PCDH9: variants seen among roughly 807,000 people sequenced by gnomAD.
PCDH9 encodes protocadherin-9.
In PCDH9, 24 loss-of-function variants were observed where a neutral mutation model predicts 70.6. That is an observed-to-expected ratio of 0.34 (90% CI 0.25 to 0.48). PCDH9 has a LOEUF of 0.48. Ranked by LOEUF, PCDH9 falls within the 20% of genes least tolerant of loss-of-function variation. PCDH9 has a pLI of 0.99. For synonymous variants in PCDH9, 562 were observed against 558.5 expected (o/e 1.01, Z -0.09); for missense variants, 1,281 against 1,503.6 (o/e 0.85, Z 2.45).
At chr13:66,639,357 AG>A (rs2077680165) in intron 3 of PCDH9, among the ~76,000 whole-genome samples, 2 of 152,214 alleles carry the variant, frequency 1.3e-5, no homozygotes, top group African/African-American at 2.4e-5. Context: ...TTGTGAAATG[AG>A]TTCCTCAAAC....
At chr13:66,582,732 T>C (rs984298713) in intron 4 of PCDH9, among the ~76,000 whole-genome samples, 11 of 152,340 alleles carry the variant, frequency 7.2e-5, no homozygotes, top group African/African-American at 2.4e-4. Flanking sequence ...TTTCTTTATA[T>C]GAAAGATATC....
At chr13:66,388,796 C>T (rs1956972649) in intron 4 of PCDH9, among the ~76,000 whole-genome samples, 1 of 152,056 alleles carries the variant, frequency 6.6e-6, no homozygotes, top group Admixed American at 6.6e-5. Context: ...TCAGGCAAGT[C>T]TCTTGGAAAA....
At chr13:66,872,796 A>G (rs897509905) in intron 3 of PCDH9, among the ~76,000 whole-genome samples, 13 of 152,126 alleles carry the variant, frequency 8.5e-5, no homozygotes, top group African/African-American at 2.7e-4. Flanking sequence ...AATCTCCTCT[A>G]CTTCTCCCTC....
chr13:66,463,400 A>G (rs1323232252), intron 4 of PCDH9, among the ~76,000 whole-genome samples: 2 of 151,810 alleles, frequency 1.3e-5, no homozygotes, highest in East Asian at 1.9e-4. Flanking sequence ...TTCTTCTCCA[A>G]TTGTGCTTTA....
chr13:67,211,574 A>ACATAGT (rs1359431513), intron 2 of PCDH9: 1 of 152,130 alleles, frequency 6.6e-6, no homozygotes, highest in Non-Finnish European at 1.5e-5. Context: ...AGTTAAAAAA[A>ACATAGT]CATAGTCTGT....
chr13:66,517,728 A>G (rs915588965), intron 4 of PCDH9, among the ~76,000 whole-genome samples: 3 of 152,172 alleles, frequency 2.0e-5, no homozygotes, highest in Non-Finnish European at 4.4e-5. Flanking sequence ...TTTAGTAGCG[A>G]ATCTTAAATT....
intron 2 of PCDH9, among the ~76,000 whole-genome samples, chr13:67,128,773 T>C (rs1050167860): frequency 6.6e-6 from 1 of 152,156 alleles, no homozygotes; most frequent in Non-Finnish European, 1.5e-5. Context: ...GATGTTGAGC[T>C]TCCACCGTTG....
chr13:66,350,177 C>T (rs963716618), intron 4 of PCDH9, among the ~76,000 whole-genome samples: 2 of 152,166 alleles, frequency 1.3e-5, no homozygotes, highest in African/African-American at 2.4e-5. Flanking sequence ...TAAGATCTCA[C>T]CCAAATCATA....
chr13:66,624,293 T>TTACA (rs1223606142), intron 4 of PCDH9, among the ~76,000 whole-genome samples: 1 of 152,250 alleles, frequency 6.6e-6, no homozygotes, highest in Non-Finnish European at 1.5e-5. Context: ...TCATTGAATT[T>TTACA]TACATAGAGT....
chr13:67,201,717 A>C (rs2089217391), intron 2 of PCDH9: 1 of 152,034 alleles, frequency 6.6e-6, no homozygotes, highest in South Asian at 2.1e-4. Flanking sequence ...TGCAACATAC[A>C]TAATTTAAAT....
chr13:66,961,450 A>T (rs1471167415), intron 2 of PCDH9, among the ~76,000 whole-genome samples: 1 of 152,248 alleles, frequency 6.6e-6, no homozygotes, highest in Non-Finnish European at 1.5e-5. Context: ...AGGAAGGAAT[A>T]GAAGCCTATA....
intron 2 of PCDH9, among the ~76,000 whole-genome samples, chr13:66,919,647 A>T (rs778492362): frequency 6.6e-6 from 1 of 151,122 alleles, no homozygotes; most frequent in Non-Finnish European, 1.5e-5. Context: ...GTTTGCACGG[A>T]GGCACAGTCC....
At chr13:66,901,386 A>G (rs1258253654) in intron 3 of PCDH9, among the ~76,000 whole-genome samples, 1 of 151,744 alleles carries the variant, frequency 6.6e-6, no homozygotes, top group Non-Finnish European at 1.5e-5. Flanking sequence ...CTGTTAAATA[A>G]GCATAAGTTG....
chr13:66,373,793 A>G (rs564376302), intron 4 of PCDH9, among the ~76,000 whole-genome samples: 31 of 152,164 alleles, frequency 2.0e-4, no homozygotes, highest in Non-Finnish European at 3.4e-4. Flanking sequence ...CATAGTTCCC[A>G]CTCCGTGGGT....
At chr13:67,011,161 T>A (rs1355664252) in intron 2 of PCDH9, among the ~76,000 whole-genome samples, 1 of 151,938 alleles carries the variant, frequency 6.6e-6, no homozygotes, top group Admixed American at 6.6e-5. Flanking sequence ...ACATCAACTC[T>A]ATGATAAAGT....
intron 3 of PCDH9, among the ~76,000 whole-genome samples, chr13:66,831,994 C>T (rs1231401728): frequency 6.6e-6 from 1 of 152,076 alleles, no homozygotes; most frequent in African/African-American, 2.4e-5. Flanking sequence ...CATTCTTTGT[C>T]TTTTCCTACA....
chr13:66,897,204 G>A (rs1459361670), intron 3 of PCDH9, among the ~76,000 whole-genome samples: 1 of 151,730 alleles, frequency 6.6e-6, no homozygotes, highest in African/African-American at 2.4e-5. Context: ...AAATATTTAT[G>A]GAAGGAAGAA....
At chr13:66,932,137 T>G (rs1169587577) in intron 2 of PCDH9, among the ~76,000 whole-genome samples, 1 of 152,126 alleles carries the variant, frequency 6.6e-6, no homozygotes, top group Non-Finnish European at 1.5e-5. Flanking sequence ...ACAGAATAAT[T>G]CATGATCCAG....
At chr13:66,652,625 T>A (rs925455647) in intron 3 of PCDH9, among the ~76,000 whole-genome samples, 5 of 151,418 alleles carry the variant, frequency 3.3e-5, no homozygotes, top group Non-Finnish European at 4.4e-5. Context: ...CAAAAAACAA[T>A]TTTAAAAAGT....
Sources: allele counts gnomAD v4.1 joint callset (sites outside exome capture counted in the v4.1 genomes callset), GRCh38; gene constraint gnomAD v4.1.1; transcripts MANE v1.5; gene names NCBI Gene and HGNC (gene_info 2026-07-23, HGNC 2026-07-21).